Variants in CNTN5 observed in about 807,000 individuals in gnomAD.
The protein encoded by CNTN5 is contactin-5.
Under a neutral mutation model 129.1 loss-of-function variants are expected in CNTN5, and 77 were observed. The observed-to-expected ratio is 0.60, with a 90% CI of 0.50 to 0.72. The LOEUF is 0.72. Ranked by LOEUF, CNTN5 falls within the 30% of genes least tolerant of loss-of-function variation. The pLI, the probability that CNTN5 is intolerant of heterozygous loss-of-function variation, is 0.00. For synonymous variants in CNTN5, 509 were observed against 465.6 expected, an observed-to-expected ratio of 1.09 and a Z score of -1.20; for missense variants, 1,478 against 1,328.8, an observed-to-expected ratio of 1.11 and a Z score of -1.75.
chr11:99,120,674 A>G (rs1858275721), intron 1 of CNTN5, among the ~76,000 whole-genome samples: 1 of 152,186 alleles, frequency 6.6e-6, no homozygotes. Flanking sequence ...CCATAGGTAT[A>G]AACCTTTAAT....
intron 3 of CNTN5, among the ~76,000 whole-genome samples, chr11:99,575,897 G>T (rs1319355444): frequency 2.0e-5 from 3 of 152,104 alleles, no homozygotes; most frequent in African/African-American, 7.2e-5. Context: ...GAACTAAGCA[G>T]CATGGCAGAT....
At chr11:99,230,119 G>T (rs75478852) in intron 1 of CNTN5, among the ~76,000 whole-genome samples, 2,644 of 151,852 alleles carry the variant, frequency 0.017, 43 homozygotes, top group African/African-American at 0.038. Context: ...GTTAAAATTC[G>T]ATACTTAAAA....
intron 6 of CNTN5, among the ~76,000 whole-genome samples, chr11:99,884,384 C>T (rs906240482): frequency 6.6e-6 from 1 of 152,026 alleles, no homozygotes; most frequent in Non-Finnish European, 1.5e-5. Flanking sequence ...AGAACTAAGA[C>T]ATTATCCAAA....
intron 2 of CNTN5, among the ~76,000 whole-genome samples, chr11:99,344,554 C>T (rs1399670294): frequency 2.6e-5 from 4 of 152,028 alleles, no homozygotes; most frequent in Non-Finnish European, 4.4e-5. Flanking sequence ...TTTAGTTCAC[C>T]ACTTTTCTGA....
intron 2 of CNTN5, among the ~76,000 whole-genome samples, chr11:99,452,121 A>G (rs1944325361): frequency 6.6e-6 from 1 of 152,170 alleles, no homozygotes; most frequent in African/African-American, 2.4e-5. Flanking sequence ...TTGAATTTCA[A>G]ATGATGAAGC....
At chr11:99,621,066 C>A (rs12808473) in intron 3 of CNTN5, among the ~76,000 whole-genome samples, 68,342 of 151,466 alleles carry the variant, frequency 0.45, 15,856 homozygotes, top group Admixed American at 0.59. Flanking sequence ...TGGAGTACGG[C>A]GTCTGTGGTA....
At chr11:99,197,770 A>G (rs935341053) in intron 1 of CNTN5, among the ~76,000 whole-genome samples, 2 of 152,084 alleles carry the variant, frequency 1.3e-5, no homozygotes, top group African/African-American at 4.8e-5. Context: ...GTTTATCCCA[A>G]TTCTACCATT....
At chr11:99,336,277 A>T (rs1464751520) in intron 2 of CNTN5, among the ~76,000 whole-genome samples, 1 of 152,150 alleles carries the variant, frequency 6.6e-6, no homozygotes, top group Non-Finnish European at 1.5e-5. Flanking sequence ...TGGATAAACA[A>T]CCTAAGGGTA....
intron 2 of CNTN5, among the ~76,000 whole-genome samples, chr11:99,378,901 T>A (rs72985776): frequency 0.034 from 5,184 of 152,046 alleles, 99 homozygotes; most frequent in African/African-American, 0.042. Context: ...GGAGAGTGAA[T>A]AAATGGAATA....
At chr11:100,153,024 C>T (rs919366325) in intron 13 of CNTN5, among the ~76,000 whole-genome samples, 2 of 152,006 alleles carry the variant, frequency 1.3e-5, no homozygotes, top group African/African-American at 4.8e-5. Flanking sequence ...AAAGTATTCT[C>T]ATAAAAAGGA....
chr11:99,110,917 T>G (rs1857761269), intron 1 of CNTN5, among the ~76,000 whole-genome samples: 1 of 152,312 alleles, frequency 6.6e-6, no homozygotes, highest in African/African-American at 2.4e-5. Flanking sequence ...ACTTTGTTTT[T>G]ATTTTTTCTT....
chr11:99,134,007 G>A (rs1859090738), intron 1 of CNTN5, among the ~76,000 whole-genome samples: 1 of 151,924 alleles, frequency 6.6e-6, no homozygotes, highest in Non-Finnish European at 1.5e-5. Flanking sequence ...GGAATCAAAT[G>A]CCTATCAATG....
At chr11:99,294,217 G>T (rs1472522910) in intron 1 of CNTN5, among the ~76,000 whole-genome samples, 2 of 152,018 alleles carry the variant, frequency 1.3e-5, no homozygotes, top group African/African-American at 4.8e-5. Context: ...TGGTTCCAAA[G>T]TTTCTCTTGT....
chr11:99,199,981 A>G (rs1859089964), intron 1 of CNTN5, among the ~76,000 whole-genome samples: 1 of 152,084 alleles, frequency 6.6e-6, no homozygotes, highest in Non-Finnish European at 1.5e-5. Context: ...CATCATCATC[A>G]TCATCATCAT....
intron 1 of CNTN5, among the ~76,000 whole-genome samples, chr11:99,096,489 C>T (rs1359675362): frequency 1.3e-5 from 2 of 151,658 alleles, no homozygotes; most frequent in African/African-American, 4.8e-5. Flanking sequence ...TATAATATTG[C>T]CACAGAGTTG....
At chr11:99,476,660 G>A (rs1945383334) in intron 2 of CNTN5, among the ~76,000 whole-genome samples, 1 of 152,042 alleles carries the variant, frequency 6.6e-6, no homozygotes, top group Admixed American at 6.6e-5. Flanking sequence ...TGGTCAGATT[G>A]GGGCCCAAGT....
chr11:99,955,725 A>AT (rs1208560453), intron 7 of CNTN5, among the ~76,000 whole-genome samples: 2,246 of 146,176 alleles, frequency 0.015, 54 homozygotes, highest in African/African-American at 0.051. Flanking sequence ...GGCCCGGCTA[A>AT]TTTTTTTTTT....
chr11:99,652,696 A>G (rs1194916282), intron 3 of CNTN5, among the ~76,000 whole-genome samples: 1 of 152,080 alleles, frequency 6.6e-6, no homozygotes, highest in African/African-American at 2.4e-5. Flanking sequence ...CAACTATTTA[A>G]GTTTGCAGTC....
At chr11:100,106,444 G>A (rs184363213) in intron 13 of CNTN5, among the ~76,000 whole-genome samples, 5 of 152,210 alleles carry the variant, frequency 3.3e-5, no homozygotes, top group East Asian at 1.9e-4. Flanking sequence ...CTTAGGTTTG[G>A]GACATTTTGT....
Sources: gnomAD v4.1 joint callset for allele counts (sites outside exome capture counted in the v4.1 genomes callset) on GRCh38, gnomAD v4.1.1 for gene constraint, MANE v1.5 for transcripts, NCBI Gene and HGNC (gene_info 2026-07-23, HGNC 2026-07-21) for gene names.